The following IGF2BP3 variants were observed in gnomAD, a reference collection of about 807,000 sequenced individuals.
The protein encoded by IGF2BP3 is insulin-like growth factor 2 mRNA-binding protein 3.
In IGF2BP3, 9 loss-of-function variants were observed where a neutral mutation model predicts 73.8. That is an observed-to-expected ratio of 0.12 (90% CI 0.07 to 0.21). The LOEUF (loss-of-function observed/expected upper bound fraction) is 0.21. Ranked by LOEUF, IGF2BP3 falls within the 10% of genes least tolerant of loss-of-function variation. IGF2BP3 has a pLI of 1.00. For synonymous variants in IGF2BP3, 258 were observed against 256.7 expected, an observed-to-expected ratio of 1.01 and a Z score of -0.05; for missense variants, 542 against 714.0, an observed-to-expected ratio of 0.76 and a Z score of 2.75.
At chr7:23,314,992 G>A (rs1052547176) in intron 12 of IGF2BP3, among the ~76,000 whole-genome samples, 2 of 151,936 alleles carry the variant, frequency 1.3e-5, no homozygotes, top group African/African-American at 2.4e-5. Flanking sequence ...TAGTTGAGAC[G>A]GGGATTCACC....
At chr7:23,413,671 T>A (rs760609370) in intron 3 of IGF2BP3, 1 of 152,194 alleles carries the variant, frequency 6.6e-6, no homozygotes, top group Non-Finnish European at 1.5e-5. Context: ...TAATGTACAC[T>A]TCCCCTGTGG....
chr7:23,383,197 G>A (rs1260404748), intron 3 of IGF2BP3, among the ~76,000 whole-genome samples: 5 of 152,038 alleles, frequency 3.3e-5, no homozygotes, highest in South Asian at 2.1e-4. Flanking sequence ...GAAGTGTAGC[G>A]CAAAAATCAG....
intron 3 of IGF2BP3, among the ~76,000 whole-genome samples, chr7:23,378,201 T>C (rs556989985): frequency 3.5e-4 from 53 of 152,278 alleles, no homozygotes; most frequent in African/African-American, 1.3e-3. Flanking sequence ...GCCTAATCAT[T>C]AAACTGAACT....
intron 3 of IGF2BP3, among the ~76,000 whole-genome samples, chr7:23,381,779 G>A (rs1216757853): frequency 2.0e-5 from 3 of 152,040 alleles, no homozygotes; most frequent in African/African-American, 4.8e-5. Context: ...ATGTTGGCAG[G>A]GCTGGTCTCG....
intron 2 of IGF2BP3, among the ~76,000 whole-genome samples, chr7:23,432,570 T>A (rs1787711989): frequency 6.6e-6 from 1 of 151,078 alleles, no homozygotes. Flanking sequence ...CCTTGATCCC[T>A]AAATAACCAA....
At chr7:23,435,849 C>G (rs978423541) in intron 2 of IGF2BP3, among the ~76,000 whole-genome samples, 4 of 152,096 alleles carry the variant, frequency 2.6e-5, no homozygotes, top group Non-Finnish European at 5.9e-5. Context: ...CCTCCACTTC[C>G]CAGGTTCAAG....
At chr7:23,395,036 T>C (rs965422907) in intron 3 of IGF2BP3, among the ~76,000 whole-genome samples, 2 of 152,142 alleles carry the variant, frequency 1.3e-5, no homozygotes, top group African/African-American at 4.8e-5. Context: ...CAGAGGAGCT[T>C]AGCATTAATC....
chr7:23,367,698 A>T lies in IGF2BP3; in HGVS notation c.286-5957T>A, dbSNP rs540431058. ...AAACCCTCAAATGTTCAGCCTTTTTAAAAAAAAAAAGTTCATCCACGGCTG... is the reference window on the plus strand; with the variant it reads ...AAACCCTCAAATGTTCAGCCTTTTTTAAAAAAAAAAGTTCATCCACGGCTG... On this transcript the variant is annotated intron_variant, in intron 3 of 14. Transcript: ENST00000258729. Among the ~76,000 whole-genome samples the T allele has an allele frequency of 1.0e-3, 148 of 146,142 alleles. 4 individuals are homozygous for T. In the East Asian group the frequency reaches 0.023, roughly 22 times the overall value.
chr7:23,460,177 T>TAAAAA (rs1788412108), intron 2 of IGF2BP3, among the ~76,000 whole-genome samples: 2 of 36,884 alleles, frequency 5.4e-5, no homozygotes, highest in African/African-American at 1.2e-4. Flanking sequence ...AGACCCTGCC[T>TAAAAA]CAAAAAAAAA....
intron 5 of IGF2BP3, among the ~76,000 whole-genome samples, chr7:23,356,605 CTCT>C (rs1785102969): frequency 6.6e-6 from 1 of 152,076 alleles, no homozygotes; most frequent in South Asian, 2.1e-4. Flanking sequence ...GTCTAAAAAT[CTCT>C]TCTTTTTTAT....
intron 2 of IGF2BP3, among the ~76,000 whole-genome samples, chr7:23,440,502 T>C (rs985804747): frequency 5.3e-5 from 8 of 152,206 alleles, no homozygotes; most frequent in Middle Eastern, 3.2e-3. Context: ...CTGTATAGGG[T>C]ATTACACTTT....
chr7:23,316,589 C>T (rs550193175), intron 12 of IGF2BP3, among the ~76,000 whole-genome samples: 117 of 149,644 alleles, frequency 7.8e-4, no homozygotes, highest in African/African-American at 2.5e-3. Flanking sequence ...GCAGGAGAAT[C>T]GCTTGAACCC....
At chr7:23,329,703 T>G (rs937108722) in intron 10 of IGF2BP3, among the ~76,000 whole-genome samples, 4 of 152,164 alleles carry the variant, frequency 2.6e-5, no homozygotes, top group Admixed American at 1.3e-4. Context: ...CAAAAATAAC[T>G]TTGACAAGGG....
At chr7:23,335,073 TAA>T (rs5882898) in intron 10 of IGF2BP3, among the ~76,000 whole-genome samples, 3,412 of 69,138 alleles carry the variant, frequency 0.049, 91 homozygotes, top group South Asian at 0.1. Context: ...TCTTTAACAT[TAA>T]AAAAAAAAAA....
intron 10 of IGF2BP3, among the ~76,000 whole-genome samples, chr7:23,337,024 C>T: frequency 6.6e-6 from 1 of 150,864 alleles, no homozygotes; most frequent in Non-Finnish European, 1.5e-5. Flanking sequence ...CCTTTAAAAA[C>T]AATAGTTTAT....
intron 2 of IGF2BP3, among the ~76,000 whole-genome samples, chr7:23,466,672 A>G (rs185016792): frequency 1.1e-3 from 165 of 152,370 alleles, no homozygotes; most frequent in African/African-American, 2.9e-3. Context: ...GGACTAAGCA[A>G]AAGCCTTTAA....
chr7:23,377,910 C>A (rs1003507700), intron 3 of IGF2BP3, among the ~76,000 whole-genome samples: 7 of 152,080 alleles, frequency 4.6e-5, no homozygotes, highest in African/African-American at 1.7e-4. Context: ...GCTAGAGACT[C>A]AGAAAGTAGA....
chr7:23,437,015 A>T (rs371576472), intron 2 of IGF2BP3, among the ~76,000 whole-genome samples: 31 of 152,092 alleles, frequency 2.0e-4, no homozygotes, highest in African/African-American at 7.5e-4. Context: ...GCTATTTAGG[A>T]AGCTGAGGCA....
chr7:23,329,323 G>C (rs1562676203), intron 10 of IGF2BP3, among the ~76,000 whole-genome samples: 1 of 152,028 alleles, frequency 6.6e-6, no homozygotes, highest in Non-Finnish European at 1.5e-5. Flanking sequence ...ACTGCATTTT[G>C]ACAAGAGTAT....
Sources: gnomAD v4.1 joint callset for allele counts (sites outside exome capture counted in the v4.1 genomes callset) on GRCh38, gnomAD v4.1.1 for gene constraint, MANE v1.5 for transcripts, NCBI Gene and HGNC (gene_info 2026-07-23, HGNC 2026-07-21) for gene names.